The following PPFIA2 variants were observed in gnomAD, a reference collection of about 807,000 sequenced individuals.
PPFIA2 encodes the protein PPFI scaffold protein A2.
PPFIA2 carries 46 observed loss-of-function variants against 175.5 expected under a neutral mutation model. That is an observed-to-expected ratio of 0.26 (90% CI 0.21 to 0.34). The LOEUF (loss-of-function observed/expected upper bound fraction) is 0.34, where lower values mean the gene tolerates loss of function less well. Among genes scored for constraint, PPFIA2 ranks in the 10% least tolerant of loss-of-function variants. The pLI, the probability that PPFIA2 is intolerant of heterozygous loss-of-function variation, is 1.00. For missense variants in PPFIA2, 1,179 were observed against 1,506.1 expected, an observed-to-expected ratio of 0.78 and a Z score of 3.60; for synonymous variants, 568 against 511.4, an observed-to-expected ratio of 1.11 and a Z score of -1.49.
At chr12:81,754,572 T>C (rs978375247) in intron 2 of PPFIA2, among the ~76,000 whole-genome samples, 5 of 152,222 alleles carry the variant, frequency 3.3e-5, no homozygotes, top group Non-Finnish European at 5.9e-5. Context: ...CTTTCTTATC[T>C]GCAAGTTTAC....
At chr12:81,726,673 C>CCAAAACAAAA (rs78064779) in intron 3 of PPFIA2, among the ~76,000 whole-genome samples, 1 of 150,770 alleles carries the variant, frequency 6.6e-6, no homozygotes, top group Non-Finnish European at 1.5e-5. Context: ...CCACTAAGTA[C>CCAAAACAAAA]CAAAACAAAA....
At chr12:81,372,631 C>T (rs1380138333) in intron 11 of PPFIA2, among the ~76,000 whole-genome samples, 1 of 148,998 alleles carries the variant, frequency 6.7e-6, no homozygotes, top group Non-Finnish European at 1.5e-5. Context: ...AAAGAGTGAT[C>T]CTCAAATGTT....
chr12:81,445,498 G>A, intron 6 of PPFIA2, 58 bp downstream of exon 6: 1 of 1,519,214 alleles, frequency 6.6e-7, no homozygotes, highest in East Asian at 2.3e-5. Flanking sequence ...TGAAGACAAA[G>A]AGCTTGATGC....
chr12:81,468,258 T>A (rs551466873), intron 4 of PPFIA2, among the ~76,000 whole-genome samples: 2 of 152,298 alleles, frequency 1.3e-5, no homozygotes, highest in South Asian at 4.1e-4. Context: ...AGGGAAAGAA[T>A]CTTCAATCTC....
intron 6 of PPFIA2, among the ~76,000 whole-genome samples, chr12:81,442,002 G>A (rs1242748532): frequency 3.3e-5 from 5 of 152,042 alleles, no homozygotes; most frequent in Non-Finnish European, 5.9e-5. Context: ...AGGCTACATG[G>A]TAGGTTAATA....
chr12:81,735,942 A>G (rs1416000159), intron 3 of PPFIA2, among the ~76,000 whole-genome samples: 1 of 151,928 alleles, frequency 6.6e-6, no homozygotes, highest in Non-Finnish European at 1.5e-5. Flanking sequence ...CTATATGTCT[A>G]TCCTTAAACT....
chr12:81,676,563 T>A (rs2072546062), intron 4 of PPFIA2: 1 of 309,200 alleles, frequency 3.2e-6, no homozygotes, highest in Non-Finnish European at 5.9e-6. Context: ...TTCCTATTTT[T>A]AAAGCCAATA....
intron 4 of PPFIA2, among the ~76,000 whole-genome samples, chr12:81,540,571 T>G (rs2066052221): frequency 6.6e-6 from 1 of 152,026 alleles, no homozygotes; most frequent in Non-Finnish European, 1.5e-5. Context: ...AGGGAGAATT[T>G]ATCAATTTTA....
At chr12:81,753,661 C>G (rs2084201417) in intron 3 of PPFIA2, among the ~76,000 whole-genome samples, 1 of 152,104 alleles carries the variant, frequency 6.6e-6, no homozygotes, top group South Asian at 2.1e-4. Flanking sequence ...ATAAAACTAT[C>G]TCCACATTCT....
chr12:81,477,810 T>A (rs2057673648), intron 4 of PPFIA2, among the ~76,000 whole-genome samples: 1 of 152,156 alleles, frequency 6.6e-6, no homozygotes, highest in South Asian at 2.1e-4. Context: ...TTTGCCAGTA[T>A]TTTATTGAGG....
chr12:81,471,099 T>G (rs1256192821), intron 4 of PPFIA2: 2 of 149,106 alleles, frequency 1.3e-5, no homozygotes, highest in African/African-American at 4.9e-5. Flanking sequence ...TTCATTTTTT[T>G]GTCTTTCCTT....
intron 24 of PPFIA2, chr12:81,292,991 T>C (rs1412519990): frequency 6.6e-6 from 1 of 152,052 alleles, no homozygotes; most frequent in Non-Finnish European, 1.5e-5. Context: ...GAATCTAGTA[T>C]ACTGGGAAGG....
chr12:81,732,394 G>T (rs181627026), intron 3 of PPFIA2, among the ~76,000 whole-genome samples: 1 of 151,510 alleles, frequency 6.6e-6, no homozygotes, highest in African/African-American at 2.4e-5. Flanking sequence ...AGTCCAGTGT[G>T]GGGAAAAGAG....
chr12:81,316,623 G>A (rs1053734501), intron 22 of PPFIA2, among the ~76,000 whole-genome samples: 2 of 151,398 alleles, frequency 1.3e-5, no homozygotes, highest in Non-Finnish European at 3.0e-5. Context: ...GCTACATCTC[G>A]TGTTTTGAAA....
chr12:81,424,697 A>T lies in PPFIA2; in HGVS notation c.645+15275T>A, dbSNP rs151105687. 5.4e-4 allele frequency among the ~76,000 whole-genome samples: 82 copies of T among 152,286 alleles called. 1 individual carries two copies. Among genetic ancestry groups the T allele is most frequent in the African/African-American group, 1.9e-3 (81 of 41,578 alleles). On this transcript the variant is annotated intron_variant, in intron 7 of 32. Transcript: ENST00000549396. The stretch of plus-strand genomic sequence containing the variant: ...GTGAGACCAAGTTTTCTTCAATGGC[A>T]TGTAAGTAAGAGTCATGTGTGCTAC...
At chr12:81,422,597 G>A (rs2046467453) in intron 7 of PPFIA2, among the ~76,000 whole-genome samples, 1 of 152,048 alleles carries the variant, frequency 6.6e-6, no homozygotes, top group South Asian at 2.1e-4. Flanking sequence ...CTTCTTACAT[G>A]GACGGCAGCA....
intron 4 of PPFIA2, among the ~76,000 whole-genome samples, chr12:81,541,929 G>A (rs899635582): frequency 2.0e-5 from 3 of 151,762 alleles, no homozygotes; most frequent in African/African-American, 7.3e-5. Flanking sequence ...TAGAATGATT[G>A]GTATATTACT....
intron 4 of PPFIA2, among the ~76,000 whole-genome samples, chr12:81,509,052 A>C (rs555907720): frequency 6.6e-6 from 1 of 152,222 alleles, no homozygotes; most frequent in African/African-American, 2.4e-5. Context: ...TGTCCTTTGT[A>C]GGGACATGGA....
At chr12:81,498,167 A>T (rs757153909) in intron 4 of PPFIA2, among the ~76,000 whole-genome samples, 2 of 152,224 alleles carry the variant, frequency 1.3e-5, no homozygotes, top group Non-Finnish European at 2.9e-5. Flanking sequence ...TTACAAAGAT[A>T]CTACAAAGAG....
Sources: allele counts gnomAD v4.1 joint callset (sites outside exome capture counted in the v4.1 genomes callset), GRCh38; gene constraint gnomAD v4.1.1; transcripts MANE v1.5; gene names NCBI Gene and HGNC (gene_info 2026-07-23, HGNC 2026-07-21).